UBE2E2: variants seen among roughly 807,000 people sequenced by gnomAD.
UBE2E2 encodes ubiquitin-conjugating enzyme E2 E2.
In UBE2E2, 6 loss-of-function variants were observed where a neutral mutation model predicts 24.7. The ratio of observed to expected loss-of-function variants is 0.24; its 90% confidence interval spans 0.13 to 0.48. The LOEUF is 0.48. Among genes scored for constraint, UBE2E2 ranks in the 20% least tolerant of loss-of-function variants. The pLI, the probability that UBE2E2 is intolerant of heterozygous loss-of-function variation, is 0.99. For missense variants in UBE2E2, 169 were observed against 245.0 expected, an observed-to-expected ratio of 0.69 and a Z score of 2.07; for synonymous variants, 104 against 83.6, an observed-to-expected ratio of 1.24 and a Z score of -1.33.
chr3:23,414,649 T>C (rs901474915), intron 3 of UBE2E2, among the ~76,000 whole-genome samples: 3 of 152,180 alleles, frequency 2.0e-5, no homozygotes, highest in Non-Finnish European at 2.9e-5. Flanking sequence ...TGCTATGATA[T>C]GTGTCTCCTC....
At chr3:23,304,562 T>C (rs1486377467) in intron 3 of UBE2E2, among the ~76,000 whole-genome samples, 1 of 152,192 alleles carries the variant, frequency 6.6e-6, no homozygotes, top group Non-Finnish European at 1.5e-5. Flanking sequence ...ACCACAGCTG[T>C]TTCTGGAATG....
At chr3:23,336,081 T>G (rs1305869169) in intron 3 of UBE2E2, among the ~76,000 whole-genome samples, 1 of 152,168 alleles carries the variant, frequency 6.6e-6, no homozygotes, top group East Asian at 1.9e-4. Context: ...TTATTTTCAC[T>G]TACTAGTAAA....
chr3:23,332,324 A>C (rs1695079216), intron 3 of UBE2E2, among the ~76,000 whole-genome samples: 1 of 151,952 alleles, frequency 6.6e-6, no homozygotes, highest in African/African-American at 2.4e-5. Flanking sequence ...TTGTATTTTT[A>C]GTAGAGATGG....
intron 3 of UBE2E2, among the ~76,000 whole-genome samples, chr3:23,444,813 A>G (rs986382307): frequency 8.5e-5 from 13 of 152,190 alleles, no homozygotes; most frequent in Non-Finnish European, 2.9e-5. Context: ...TTCTTTAGTT[A>G]TAAGATGGGT....
chr3:23,404,142 AC>A (rs1697298644), intron 3 of UBE2E2, among the ~76,000 whole-genome samples: 1 of 151,836 alleles, frequency 6.6e-6, no homozygotes, highest in Non-Finnish European at 1.5e-5. Context: ...TTACACACTC[AC>A]ACACACACAC....
At chr3:23,371,552 A>G (rs1696399547) in intron 3 of UBE2E2, among the ~76,000 whole-genome samples, 1 of 152,202 alleles carries the variant, frequency 6.6e-6, no homozygotes, top group African/African-American at 2.4e-5. Context: ...TTTAAGAGGT[A>G]TATGAGGGAA....
chr3:23,360,791 C>T (rs777101973), intron 3 of UBE2E2, among the ~76,000 whole-genome samples: 1 of 151,802 alleles, frequency 6.6e-6, no homozygotes, highest in Non-Finnish European at 1.5e-5. Flanking sequence ...TAGTATGAAA[C>T]ATTTTGAGCT....
chr3:23,549,844 C>G (rs1043285092), intron 5 of UBE2E2, among the ~76,000 whole-genome samples: 2 of 151,960 alleles, frequency 1.3e-5, no homozygotes, highest in African/African-American at 4.8e-5. Context: ...ACCAGCCTGG[C>G]CAACATGGTG....
intron 3 of UBE2E2, among the ~76,000 whole-genome samples, chr3:23,390,406 T>C (rs1289796656): frequency 6.6e-6 from 1 of 152,168 alleles, no homozygotes; most frequent in Non-Finnish European, 1.5e-5. Context: ...ACAACATGGC[T>C]TCAGGGAAGG....
intron 3 of UBE2E2, among the ~76,000 whole-genome samples, chr3:23,453,663 A>G (rs2125418440): frequency 6.6e-6 from 1 of 152,348 alleles, no homozygotes; most frequent in East Asian, 1.9e-4. Flanking sequence ...TAAAATATAA[A>G]TCAAGATATT....
rs1337977650 is a variant in UBE2E2, at chr3:23,268,575, A to G, written c.227+51263A>G. ...AGAGGATACAAAGAAATGGAAGAAC[A>G]TTCCATGCTCATGGGTAGGAAGAAT... On this transcript the variant is annotated intron_variant, in intron 3 of 5. Transcript: ENST00000396703. 3.2e-3 allele frequency among the ~76,000 whole-genome samples: 467 copies of G among 147,412 alleles called. 4 individuals carry two copies. Among genetic ancestry groups the G allele is most frequent in the African/African-American group, 0.011 (445 of 39,382 alleles).
At chr3:23,288,768 A>G (rs760772157) in intron 3 of UBE2E2, among the ~76,000 whole-genome samples, 6 of 152,214 alleles carry the variant, frequency 3.9e-5, no homozygotes, top group Non-Finnish European at 8.8e-5. Context: ...ACAATGTAAA[A>G]AAAAAAACTT....
chr3:23,339,095 T>C (rs1049791985), intron 3 of UBE2E2, among the ~76,000 whole-genome samples: 16 of 152,308 alleles, frequency 1.1e-4, no homozygotes, highest in African/African-American at 3.4e-4. Context: ...ATGGATATCA[T>C]GCATTTTCTG....
chr3:23,204,700 C>T, intron 1 of UBE2E2: 1 of 985,406 alleles, frequency 1.0e-6, no homozygotes, highest in Non-Finnish European at 1.2e-6. Flanking sequence ...CTTTTACCCC[C>T]AAATCAGGTG....
intron 3 of UBE2E2, among the ~76,000 whole-genome samples, chr3:23,484,764 GGT>G (rs1699326826): frequency 6.6e-6 from 1 of 152,188 alleles, no homozygotes; most frequent in Non-Finnish European, 1.5e-5. Context: ...GGTCTTACAT[GGT>G]GGCAGGCAAG....
intron 3 of UBE2E2, among the ~76,000 whole-genome samples, chr3:23,390,897 A>G (rs761449267): frequency 6.6e-6 from 1 of 152,214 alleles, no homozygotes; most frequent in African/African-American, 2.4e-5. Flanking sequence ...ATGCTTACCT[A>G]TATGTAGACC....
At chr3:23,328,598 C>T (rs992351381) in intron 3 of UBE2E2, among the ~76,000 whole-genome samples, 5 of 151,380 alleles carry the variant, frequency 3.3e-5, no homozygotes, top group Non-Finnish European at 7.4e-5. Flanking sequence ...TGGGATGTAA[C>T]ACCATTGTAA....
At chr3:23,528,479 G>A (rs914806354) in intron 4 of UBE2E2, among the ~76,000 whole-genome samples, 2 of 152,158 alleles carry the variant, frequency 1.3e-5, no homozygotes, top group African/African-American at 4.8e-5. Flanking sequence ...CCCGAGAGTG[G>A]TGGGTTTTTA....
At chr3:23,525,241 C>T (rs899916112) in intron 4 of UBE2E2, among the ~76,000 whole-genome samples, 2 of 152,114 alleles carry the variant, frequency 1.3e-5, no homozygotes, top group East Asian at 1.9e-4. Context: ...CAAGATTCTC[C>T]GCCTAATCAC....
Sources: allele counts gnomAD v4.1 joint callset (sites outside exome capture counted in the v4.1 genomes callset), GRCh38; gene constraint gnomAD v4.1.1; transcripts MANE v1.5; gene names NCBI Gene and HGNC (gene_info 2026-07-23, HGNC 2026-07-21).